ULK4: variants seen among roughly 807,000 people sequenced by gnomAD.
ULK4 encodes the protein unc-51 like kinase 4.
Under a neutral mutation model 160.6 loss-of-function variants are expected in ULK4, and 133 were observed. The ratio of observed to expected loss-of-function variants is 0.83; its 90% CI spans 0.72 to 0.96. The LOEUF is 0.96. Among genes scored for constraint, ULK4 ranks in the 40% least tolerant of loss-of-function variants. ULK4 has a pLI of 0.00. For synonymous variants in ULK4, 534 were observed against 539.8 expected (o/e 0.99, Z 0.15); for missense variants, 1,580 against 1,499.5 (o/e 1.05, Z -0.89).
chr3:41,636,602 G>T (rs1160599612), intron 30 of ULK4, among the ~76,000 whole-genome samples: 1 of 150,364 alleles, frequency 6.7e-6, no homozygotes, highest in African/African-American at 2.4e-5. Flanking sequence ...TTTTATTGTT[G>T]TTTTTTTTTA....
chr3:41,846,537 G>A (rs2042073338), intron 17 of ULK4, among the ~76,000 whole-genome samples: 1 of 152,052 alleles, frequency 6.6e-6, no homozygotes, highest in South Asian at 2.1e-4. Context: ...AGGCGCAGTG[G>A]CTCACACCTG....
rs1382217588 is a variant in ULK4 at position 41,378,121 on chromosome 3, A to G, written c.3678+19958T>C. ...TCATCATTGTCAGTAAACTATTGCA[A>G]GAACAAAAAACCAAACACCACATAT... On this transcript the variant is annotated intron_variant, in intron 35 of 36. Transcript: ENST00000301831. 3.3e-5 allele frequency among the ~76,000 whole-genome samples: 5 copies of G among 151,112 alleles called. No individual in the cohort carries two copies. In the East Asian group the frequency reaches 8.0e-4, roughly 24 times the overall value.
At chr3:41,405,814 GTTTT>G (rs34201902) in intron 34 of ULK4, among the ~76,000 whole-genome samples, 2 of 149,434 alleles carry the variant, frequency 1.3e-5, no homozygotes, top group Non-Finnish European at 3.0e-5. Flanking sequence ...TTTTTAATGA[GTTTT>G]TTTTTTGTTT....
At chr3:41,426,745 T>G (rs2082785068) in intron 34 of ULK4, among the ~76,000 whole-genome samples, 2 of 152,094 alleles carry the variant, frequency 1.3e-5, no homozygotes, top group South Asian at 2.1e-4. Flanking sequence ...TGCATCAGAA[T>G]CTCTGGGAGG....
At chr3:41,674,950 G>A (rs1227607255) in intron 29 of ULK4, among the ~76,000 whole-genome samples, 1 of 152,126 alleles carries the variant, frequency 6.6e-6, no homozygotes, top group Admixed American at 6.6e-5. Flanking sequence ...TTAGAAAAAG[G>A]GTTTCTAGCA....
At chr3:41,610,859 A>G (rs1428869262) in intron 31 of ULK4, among the ~76,000 whole-genome samples, 2 of 152,232 alleles carry the variant, frequency 1.3e-5, no homozygotes, top group Non-Finnish European at 2.9e-5. Flanking sequence ...TTCCAATAAA[A>G]CAGAGGTTAC....
chr3:41,506,467 G>T (rs904919871), intron 32 of ULK4, among the ~76,000 whole-genome samples: 6 of 151,996 alleles, frequency 3.9e-5, no homozygotes, highest in African/African-American at 1.2e-4. Flanking sequence ...TTCTTTTCCA[G>T]GTTTTGAGCC....
chr3:41,733,157 A>ATATACCCTAATTTGATCATTACACAGTG (rs2037891474), intron 22 of ULK4, among the ~76,000 whole-genome samples: 1 of 152,156 alleles, frequency 6.6e-6, no homozygotes, highest in African/African-American at 2.4e-5. Context: ...GTGATATGCT[A>ATATACCCTAATTTGATCATTACACAGTG]TATACCCTAA....
Position 41,398,220 on chromosome 3 carries a change from G to A in ULK4, c.3537C>T (p.Cys1179=), listed in dbSNP as rs779577418. ...CATACAGCTGAACCAGTATAGACAGGCACTTGGATGAAACATCAAAAATCT... is the reference window on the plus strand; with the variant it reads ...CATACAGCTGAACCAGTATAGACAGACACTTGGATGAAACATCAAAAATCT... ...DPEIFDVSSK[C]LSILVQLYGG... Residue 1179 remains cysteine, a synonymous_variant, in exon 35 of 37, where the codon TGC becomes TGT. Transcript: ENST00000301831. The A allele has an allele frequency of 5.6e-6, 9 of 1,612,026 alleles. No individual in the cohort carries two copies. The highest frequency in any genetic ancestry group is 1.7e-5 in the Admixed American group (1 of 59,502).
intron 32 of ULK4, among the ~76,000 whole-genome samples, chr3:41,483,242 CA>C (rs1194211154): frequency 2.0e-5 from 3 of 152,028 alleles, no homozygotes; most frequent in Non-Finnish European, 4.4e-5. Context: ...TTTTAGCTCC[CA>C]AAAATAAGTG....
At chr3:41,357,618 G>A (rs540554186) in intron 35 of ULK4, among the ~76,000 whole-genome samples, 20 of 152,270 alleles carry the variant, frequency 1.3e-4, no homozygotes, top group Middle Eastern at 3.4e-3. Flanking sequence ...GCCATTTGTC[G>A]CACACCTAGT....
At chr3:41,881,779 C>G (rs1286588483) in intron 17 of ULK4, among the ~76,000 whole-genome samples, 1 of 152,076 alleles carries the variant, frequency 6.6e-6, no homozygotes, top group Non-Finnish European at 1.5e-5. Flanking sequence ...GAGAACAGTA[C>G]TGGAATAAAA....
chr3:41,297,903 T>C (rs2079702211), intron 35 of ULK4, among the ~76,000 whole-genome samples: 1 of 152,232 alleles, frequency 6.6e-6, no homozygotes, highest in East Asian at 1.9e-4. Context: ...CAAAGGATGA[T>C]GCTTTCCTGG....
chr3:41,561,900 T>C (rs1405637460), intron 32 of ULK4, among the ~76,000 whole-genome samples: 1 of 152,222 alleles, frequency 6.6e-6, no homozygotes, highest in East Asian at 1.9e-4. Flanking sequence ...TGCCTTCTGC[T>C]AGCTTTTGAA....
chr3:41,251,756 C>A (rs2078747069), intron 35 of ULK4, among the ~76,000 whole-genome samples: 1 of 152,214 alleles, frequency 6.6e-6, no homozygotes, highest in South Asian at 2.1e-4. Flanking sequence ...AACCAGATCT[C>A]TATTCTTTCT....
chr3:41,932,589 T>A (rs1699637235), intron 4 of ULK4, among the ~76,000 whole-genome samples: 1 of 152,240 alleles, frequency 6.6e-6, no homozygotes, highest in African/African-American at 2.4e-5. Context: ...TAACAGTCAC[T>A]GGCATGTGAC....
intron 17 of ULK4, chr3:41,868,979 T>C (rs1696998540): frequency 6.6e-6 from 1 of 152,208 alleles, no homozygotes; most frequent in Non-Finnish European, 1.5e-5. Context: ...TTATTCCTGA[T>C]TAGATGGTAA....
intron 12 of ULK4, among the ~76,000 whole-genome samples, chr3:41,906,174 G>A (rs1170858135): frequency 5.2e-5 from 7 of 135,560 alleles, no homozygotes; most frequent in South Asian, 2.3e-4. Flanking sequence ...CCGAGATCCC[G>A]CCACTGCACT....
chr3:41,264,938 G>A (rs1046366965), intron 35 of ULK4, among the ~76,000 whole-genome samples: 4 of 152,218 alleles, frequency 2.6e-5, no homozygotes, highest in African/African-American at 4.8e-5. Context: ...TGAATCCCCA[G>A]TGTGGAAGGG....
Sources: allele counts gnomAD v4.1 joint callset (sites outside exome capture counted in the v4.1 genomes callset), GRCh38; gene constraint gnomAD v4.1.1; transcripts MANE v1.5; gene names NCBI Gene and HGNC (gene_info 2026-07-23, HGNC 2026-07-21).